RNF216: variants seen among roughly 807,000 people sequenced by gnomAD.
RNF216 encodes E3 ubiquitin-protein ligase RNF216.
RNF216 carries 72 observed loss-of-function variants against 110.8 expected under a neutral mutation model. The ratio of observed to expected loss-of-function variants is 0.65; its 90% CI spans 0.54 to 0.79. RNF216 has a LOEUF of 0.79. Among genes scored for constraint, RNF216 ranks in the 30% least tolerant of loss-of-function variants. The probability of loss-of-function intolerance (pLI) is 0.00; values close to 1 mark genes in which losing one functional copy is unlikely to be tolerated. For synonymous variants in RNF216, 495 were observed against 407.5 expected, an observed-to-expected ratio of 1.21 and a Z score of -2.59; for missense variants, 1,342 against 1,141.2, an observed-to-expected ratio of 1.18 and a Z score of -2.54.
chr7:5,710,877 G>C (rs1448631429), intron 13 of RNF216, among the ~76,000 whole-genome samples: 1 of 152,232 alleles, frequency 6.6e-6, no homozygotes, highest in African/African-American at 2.4e-5. Context: ...CTTAAGAGCT[G>C]CAAGATGCCA....
rs71004696 is a variant in RNF216 at position 5,738,707 on chromosome 7, C to CAA, written c.1121+567_1121+568dup. ...TGGGAGACAGAGTGAGACTCCGTCT[C>CAA]AAAAAAAAAAAAAAAAAAAAAAAAA... On this transcript the variant is annotated intron_variant, in intron 5 of 16. Coordinates refer to ENST00000389902, the MANE Select transcript of RNF216 (RefSeq NM_207111.4). 4.8e-3 allele frequency among the ~76,000 whole-genome samples: 337 copies of CAA among 70,106 alleles called. 5 individuals are homozygous for CAA. The highest frequency in any genetic ancestry group is 0.017 in the African/African-American group (309 of 17,990). 46.0% of individuals were successfully genotyped at this position (70,106 alleles called of 152,430 possible).
chr7:5,699,227 C>A (rs1791817570), intron 13 of RNF216, among the ~76,000 whole-genome samples: 1 of 152,090 alleles, frequency 6.6e-6, no homozygotes, highest in African/African-American at 2.4e-5. Flanking sequence ...TCCCAGATTA[C>A]AAATCTTTTC....
At chr7:5,756,143 T>G (rs1313003263) in intron 2 of RNF216, among the ~76,000 whole-genome samples, 1 of 152,106 alleles carries the variant, frequency 6.6e-6, no homozygotes, top group African/African-American at 2.4e-5. Flanking sequence ...TCCGATGGTT[T>G]TATATGCACT....
intron 13 of RNF216, among the ~76,000 whole-genome samples, chr7:5,671,930 C>T (rs568652561): frequency 6.6e-6 from 1 of 151,334 alleles, no homozygotes; most frequent in Non-Finnish European, 1.5e-5. Context: ...TCACAAGAAA[C>T]GAAATCTGCT....
intron 13 of RNF216, among the ~76,000 whole-genome samples, chr7:5,670,510 T>C (rs1311780802): frequency 6.6e-6 from 1 of 152,188 alleles, no homozygotes; most frequent in Non-Finnish European, 1.5e-5. Flanking sequence ...TTGGTACAGT[T>C]AATCATGTAT....
At chr7:5,626,246 T>A (rs1786694622) in intron 15 of RNF216, among the ~76,000 whole-genome samples, 1 of 151,998 alleles carries the variant, frequency 6.6e-6, no homozygotes, top group African/African-American at 2.4e-5. Context: ...ACCTTCAACA[T>A]AATCACTAAG....
chr7:5,726,098 G>A (rs2073936627), intron 7 of RNF216, among the ~76,000 whole-genome samples: 1 of 151,994 alleles, frequency 6.6e-6, no homozygotes, highest in Admixed American at 6.5e-5. Context: ...GCAACATGGG[G>A]ACACCCCGTC....
intron 1 of RNF216, among the ~76,000 whole-genome samples, chr7:5,773,055 C>T (rs1177712419): frequency 6.6e-6 from 1 of 152,084 alleles, no homozygotes; most frequent in Non-Finnish European, 1.5e-5. Flanking sequence ...GGTGGGATTA[C>T]AGGCATGAGC....
chr7:5,739,849 A>G (rs928870629), intron 4 of RNF216, among the ~76,000 whole-genome samples: 1 of 151,908 alleles, frequency 6.6e-6, no homozygotes, highest in Non-Finnish European at 1.5e-5. Flanking sequence ...AAAAAAATAC[A>G]AAAATTAGCC....
intron 16 of RNF216, among the ~76,000 whole-genome samples, chr7:5,623,816 C>G (rs546836320): frequency 6.6e-6 from 1 of 152,244 alleles, no homozygotes; most frequent in African/African-American, 2.4e-5. Context: ...TGAGCTCAAA[C>G]CCACCCCTTG....
chr7:5,749,692 CTG>C (rs1795233549), intron 3 of RNF216, among the ~76,000 whole-genome samples: 1 of 152,164 alleles, frequency 6.6e-6, no homozygotes, highest in African/African-American at 2.4e-5. Flanking sequence ...TCCTAAAGTG[CTG>C]TGTGTTCAAA....
At chr7:5,724,308 T>C (rs1221037630) in intron 8 of RNF216, among the ~76,000 whole-genome samples, 1 of 152,182 alleles carries the variant, frequency 6.6e-6, no homozygotes, top group Non-Finnish European at 1.5e-5. Context: ...TGGCAGGACA[T>C]TTCAGGAAGT....
At chr7:5,638,309 GA>G (rs1363902262) in intron 15 of RNF216, among the ~76,000 whole-genome samples, 1 of 152,086 alleles carries the variant, frequency 6.6e-6, no homozygotes, top group African/African-American at 2.4e-5. Flanking sequence ...TGTTTTTTGG[GA>G]TATTTAAATG....
chr7:5,754,444 C>T (rs1450658170), intron 2 of RNF216, among the ~76,000 whole-genome samples: 3 of 152,060 alleles, frequency 2.0e-5, no homozygotes, highest in Non-Finnish European at 4.4e-5. Context: ...GGATGACAGG[C>T]ATGAGCCACC....
At chr7:5,707,711 G>T (rs1249452730) in intron 13 of RNF216, among the ~76,000 whole-genome samples, 6 of 142,522 alleles carry the variant, frequency 4.2e-5, no homozygotes, top group Admixed American at 1.4e-4. Flanking sequence ...TTCAGTGTGT[G>T]TGTGTGGTTT....
intron 13 of RNF216, among the ~76,000 whole-genome samples, chr7:5,709,733 T>G (rs1228120848): frequency 7.2e-6 from 1 of 138,892 alleles, no homozygotes. Flanking sequence ...CAGACTCATG[T>G]GTGCCCTCAG....
intron 3 of RNF216, among the ~76,000 whole-genome samples, chr7:5,743,761 G>A (rs1250447782): frequency 6.6e-6 from 1 of 152,190 alleles, no homozygotes; most frequent in Non-Finnish European, 1.5e-5. Flanking sequence ...AAAGGAGATG[G>A]TGAATCTCAG....
At position 5,627,542 on chromosome 7, in the gene RNF216, T is replaced by C. The variant is rs187466601; in HGVS notation, c.2383-3417A>G. On this transcript the variant is annotated intron_variant, in intron 15 of 16. Transcript: ENST00000389902. ...GCAGGCGGACCACGAGGTCAGGAGA[T>C]AGAGATCATCCTGGCTAACACGGTG... Among the ~76,000 whole-genome samples, 107 of 152,126 alleles carry C rather than the reference T, an allele frequency of 7.0e-4. 1 individual carries two copies. The Middle Eastern group carries it at 0.014, about 19-fold the overall frequency.
intron 14 of RNF216, among the ~76,000 whole-genome samples, chr7:5,643,950 T>C (rs1787897183): frequency 6.6e-6 from 1 of 152,184 alleles, no homozygotes. Context: ...AAATCACACG[T>C]GTGTTTTTGT....
Sources: gnomAD v4.1 joint callset for allele counts (sites outside exome capture counted in the v4.1 genomes callset) on GRCh38, gnomAD v4.1.1 for gene constraint, MANE v1.5 for transcripts, NCBI Gene and HGNC (gene_info 2026-07-23, HGNC 2026-07-21) for gene names.